Variants in TRIM5 observed in about 807,000 individuals in gnomAD.
TRIM5 encodes tripartite motif containing 5, also known as tripartite motif-containing protein 5.
In TRIM5, 31 loss-of-function variants were observed where a neutral mutation model predicts 35.6. The observed-to-expected ratio is 0.87, with a 90% CI of 0.65 to 1.18. The LOEUF (loss-of-function observed/expected upper bound fraction) is 1.18. TRIM5 is among the 50% of genes most tolerant of loss of function. The pLI is 0.00. For synonymous variants in TRIM5, 243 were observed against 215.6 expected (o/e 1.13, Z -1.11); for missense variants, 609 against 591.6 (o/e 1.03, Z -0.31).
the TRIM5 span, among the ~76,000 whole-genome samples, chr11:5,627,586 A>T: frequency 1.3e-5 from 2 of 152,224 alleles, no homozygotes; most frequent in African/African-American, 4.8e-5. Context: ...GTTAAAAAAT[A>T]GCTTTTTGGA....
chr11:5,648,117 T>C, the TRIM5 span, among the ~76,000 whole-genome samples: 1 of 152,288 alleles, frequency 6.6e-6, no homozygotes, highest in South Asian at 2.1e-4. Context: ...ACATCTTTTC[T>C]CACAACACAA....
At chr11:5,627,421 T>A in the TRIM5 span, among the ~76,000 whole-genome samples, 4 of 152,028 alleles carry the variant, frequency 2.6e-5, no homozygotes, top group South Asian at 6.2e-4. Context: ...GCAAGACTAG[T>A]GGAAGAACAA....
the TRIM5 span, among the ~76,000 whole-genome samples, chr11:5,594,414 C>T: frequency 1.3e-5 from 2 of 152,042 alleles, no homozygotes; most frequent in East Asian, 1.9e-4. Context: ...CTCAAGTGAT[C>T]CTCCCACCTC....
At chr11:5,659,051 A>T (rs1850726583), downstream of TRIM5, among the ~76,000 whole-genome samples, 1 of 152,180 alleles carries the variant, frequency 6.6e-6, no homozygotes. Context: ...TACCTAATGT[A>T]AATGACGAGT....
intron 7 of TRIM5, 80 bp downstream of exon 7, chr11:5,665,576 A>G (rs1485277004): frequency 1.3e-6 from 2 of 1,584,152 alleles, no homozygotes; most frequent in Non-Finnish European, 8.5e-7. Flanking sequence ...AGCCTAATAG[A>G]GAACATAAAA....
chr11:5,676,086 T>C (rs1393927695), intron 4 of TRIM5, among the ~76,000 whole-genome samples: 2 of 144,642 alleles, frequency 1.4e-5, no homozygotes, highest in Non-Finnish European at 3.1e-5. Context: ...CACATTTTCT[T>C]AATCCAGTCT....
chr11:5,602,086 C>T, the TRIM5 span, among the ~76,000 whole-genome samples: 6 of 152,262 alleles, frequency 3.9e-5, no homozygotes, highest in Admixed American at 3.9e-4. Flanking sequence ...TCTCAGATCT[C>T]ATGGAGCTTA....
the TRIM5 span, among the ~76,000 whole-genome samples, chr11:5,599,952 GC>G: frequency 0.011 from 1,703 of 152,270 alleles, 35 homozygotes; most frequent in Middle Eastern, 0.048. Context: ...GCCTTATAGT[GC>G]AGTGTGCTAA....
At chr11:5,605,422 T>C in the TRIM5 span, 15 of 1,614,046 alleles carry the variant, frequency 9.3e-6, no homozygotes, top group Non-Finnish European at 1.3e-5. Flanking sequence ...CAACGGGAGC[T>C]GAAAAAGCTG....
intron 5 of TRIM5, among the ~76,000 whole-genome samples, chr11:5,666,542 C>T (rs1057103609): frequency 2.0e-5 from 3 of 152,160 alleles, no homozygotes; most frequent in African/African-American, 7.2e-5. Flanking sequence ...GGGTGTTTGA[C>T]ACATATCAAG....
the TRIM5 span, among the ~76,000 whole-genome samples, chr11:5,628,332 AT>A: frequency 1.3e-5 from 2 of 152,368 alleles, no homozygotes; most frequent in African/African-American, 4.8e-5. Context: ...TGGTTGGCTC[AT>A]GGCTTTAGCC....
the TRIM5 span, among the ~76,000 whole-genome samples, chr11:5,613,142 C>G: frequency 2.0e-5 from 3 of 152,336 alleles, no homozygotes; most frequent in African/African-American, 7.2e-5. Flanking sequence ...ATGTTTATCT[C>G]TACAGAACCT....
chr11:5,657,833 C>G, the TRIM5 span, among the ~76,000 whole-genome samples: 1 of 150,390 alleles, frequency 6.6e-6, no homozygotes, highest in Non-Finnish European at 1.5e-5. Flanking sequence ...CCAGGCTGGT[C>G]TCTAACTCCT....
the TRIM5 span, among the ~76,000 whole-genome samples, chr11:5,657,592 TA>T: frequency 1.0e-5 from 1 of 97,364 alleles, no homozygotes; most frequent in Non-Finnish European, 1.9e-5. Flanking sequence ...TATAATGCAT[TA>T]TATATAATAT....
the TRIM5 span, chr11:5,642,340 A>T: frequency 1.3e-5 from 19 of 1,427,098 alleles, no homozygotes; most frequent in Non-Finnish European, 1.9e-5. Flanking sequence ...AGATGAAACC[A>T]GTGATGTGGG....
At chr11:5,616,055 A>G in the TRIM5 span, among the ~76,000 whole-genome samples, 1 of 147,162 alleles carries the variant, frequency 6.8e-6, no homozygotes, top group Non-Finnish European at 1.5e-5. Flanking sequence ...GGTTCACGCC[A>G]TTCTCCTGCC....
At chr11:5,610,622 C>T in the TRIM5 span, 6 of 1,589,030 alleles carry the variant, frequency 3.8e-6, no homozygotes, top group South Asian at 1.2e-5. Context: ...ACATGCCCTC[C>T]CCAGACATAG....
chr11:5,598,928 T>C, the TRIM5 span, among the ~76,000 whole-genome samples: 1 of 152,182 alleles, frequency 6.6e-6, no homozygotes, highest in African/African-American at 2.4e-5. Context: ...CTTTATGTAT[T>C]CACCCTTCAA....
the TRIM5 span, chr11:5,642,481 G>C: frequency 6.2e-7 from 1 of 1,614,002 alleles, no homozygotes; most frequent in Non-Finnish European, 8.5e-7. Flanking sequence ...CTCCAGATCT[G>C]AGTAGGATGC....
Sources: allele counts gnomAD v4.1 joint callset (sites outside exome capture counted in the v4.1 genomes callset), GRCh38; gene constraint gnomAD v4.1.1; transcripts MANE v1.5; gene names NCBI Gene and HGNC (gene_info 2026-07-23, HGNC 2026-07-21).